EPSTI1: variants seen among roughly 807,000 people sequenced by gnomAD.
The protein encoded by EPSTI1 is epithelial-stromal interaction protein 1.
Under a neutral mutation model 49.9 loss-of-function variants are expected in EPSTI1, and 66 were observed. That is an observed-to-expected ratio of 1.32 (90% CI 1.08 to 1.62). EPSTI1 has a LOEUF of 1.62. Ranked by LOEUF, EPSTI1 falls within the 40% of genes most tolerant of loss-of-function variation. The pLI is 0.00. For missense variants in EPSTI1, 394 were observed against 365.5 expected (o/e 1.08, Z -0.64); for synonymous variants, 137 against 130.7 (o/e 1.05, Z -0.33).
At chr13:42,916,329 A>G (rs1258005995) in intron 8 of EPSTI1, among the ~76,000 whole-genome samples, 2 of 151,876 alleles carry the variant, frequency 1.3e-5, no homozygotes, top group African/African-American at 4.8e-5. Context: ...TTTCTTACAC[A>G]GGAGCTAAAT....
intron 1 of EPSTI1, among the ~76,000 whole-genome samples, chr13:42,977,040 G>A (rs1192620255): frequency 1.3e-5 from 2 of 152,146 alleles, no homozygotes; most frequent in Non-Finnish European, 2.9e-5. Flanking sequence ...TATTGCAACT[G>A]TTTCAATTAT....
chr13:42,953,950 T>C lies in EPSTI1; in HGVS notation c.561A>G (p.Gln187=). 1 of 1,611,932 alleles carries C rather than the reference T, an allele frequency of 6.2e-7. No individual in the cohort carries two copies. The highest frequency in any genetic ancestry group is 1.1e-5 in the South Asian group (1 of 90,672). The part of the protein sequence containing the change: ...LRREAFREHQ[Q]YKTAEFLSKL... The stretch of plus-strand genomic sequence containing the variant: ...AAGTTCTGAAAACATTAACTTACTA[T>C]TGCTGATGCTCTCTAAATGCTTCTC... The change falls in exon 6 of 11, where the codon CAA becomes CAG. Residue 187 remains glutamine (Q), a splice_region_variant and synonymous_variant. Coordinates refer to ENST00000313624, the MANE Select transcript of EPSTI1 (RefSeq NM_033255.5).
intron 1 of EPSTI1, among the ~76,000 whole-genome samples, chr13:42,983,794 A>G (rs2040031641): frequency 6.6e-6 from 1 of 152,100 alleles, no homozygotes; most frequent in Non-Finnish European, 1.5e-5. Flanking sequence ...CTTATCATGA[A>G]AAGAATATTC....
intron 4 of EPSTI1, 117 bp downstream of exon 4, chr13:42,963,949 C>T (rs759725322): frequency 8.4e-6 from 7 of 834,220 alleles, no homozygotes; most frequent in Non-Finnish European, 1.1e-5. Flanking sequence ...CTGCCTTTTG[C>T]AACTGGTTGG....
intron 6 of EPSTI1, among the ~76,000 whole-genome samples, chr13:42,948,813 A>ATTAAAAT (rs1594707723): frequency 1.3e-5 from 2 of 152,208 alleles, no homozygotes; most frequent in Admixed American, 6.5e-5. Flanking sequence ...TGATTAAAAG[A>ATTAAAAT]ACAAAGCACT....
intron 6 of EPSTI1, among the ~76,000 whole-genome samples, chr13:42,945,448 T>A (rs1047212324): frequency 2.6e-5 from 4 of 152,184 alleles, no homozygotes; most frequent in African/African-American, 9.6e-5. Context: ...CAGACCCAAA[T>A]GCTATAAGTC....
intron 8 of EPSTI1, among the ~76,000 whole-genome samples, chr13:42,913,515 T>C (rs1385054475): frequency 6.6e-6 from 1 of 152,226 alleles, no homozygotes; most frequent in Non-Finnish European, 1.5e-5. Flanking sequence ...TCCCTTAGTC[T>C]CATTGGTCAA....
In EPSTI1 at chr13:42,983,563, C is replaced by CAAAAAAAAAAAAA. The variant is rs56259281; in HGVS notation, c.188+8402_188+8414dup. Among the ~76,000 whole-genome samples, 140 of 95,460 alleles carry CAAAAAAAAAAAAA rather than the reference C, an allele frequency of 1.5e-3. 3 individuals are homozygous for CAAAAAAAAAAAAA. The highest frequency in any genetic ancestry group is 5.6e-3 in the Middle Eastern group (1 of 178). 62.6% of individuals were successfully genotyped at this position (95,460 alleles called of 152,430 possible). A position where few individuals can be genotyped will look rare whatever the true frequency, so the allele number is the denominator to read the frequency against. ...TGGGCAACAGAGCGAGACTCCATCT[C>CAAAAAAAAAAAAA]AAAAAAAAAAAAAAAAAAAAAAAAA... On this transcript the variant is annotated intron_variant, in intron 1 of 10. Coordinates refer to ENST00000313624, the MANE Select transcript of EPSTI1 (RefSeq NM_033255.5).
At chr13:42,989,272 C>T (rs1405483283) in intron 1 of EPSTI1, among the ~76,000 whole-genome samples, 1 of 151,794 alleles carries the variant, frequency 6.6e-6, no homozygotes, top group Non-Finnish European at 1.5e-5. Flanking sequence ...CACATATACA[C>T]GTGGAAAAAT....
intron 6 of EPSTI1, among the ~76,000 whole-genome samples, chr13:42,948,008 T>G (rs2153427270): frequency 6.6e-6 from 1 of 152,284 alleles, no homozygotes; most frequent in Middle Eastern, 3.4e-3. Flanking sequence ...CCAACAGAGG[T>G]GGCGGAGTTG....
In EPSTI1 at chr13:42,888,241, T is replaced by C. The variant is rs1404968417; in HGVS notation, c.*253A>G. The C allele has an allele frequency of 6.2e-7, 1 of 1,613,406 alleles. No individual in the cohort carries two copies. The highest frequency in any genetic ancestry group is 8.5e-7 in the Non-Finnish European group (1 of 1,179,484). The stretch of plus-strand genomic sequence containing the variant: ...TACCCTACCAACATCACTCTAATTA[T>C]ACTTCCAATTAGAAAAATAATGTAG... On this transcript the variant is annotated 3_prime_UTR_variant, in exon 11 of 11. Coordinates refer to ENST00000313624, the MANE Select transcript of EPSTI1 (RefSeq NM_033255.5).
At chr13:42,944,224 A>G (rs1300323378) in intron 6 of EPSTI1, among the ~76,000 whole-genome samples, 1 of 152,212 alleles carries the variant, frequency 6.6e-6, no homozygotes, top group African/African-American at 2.4e-5. Flanking sequence ...GCACACGTAT[A>G]TTTATTGCAG....
In EPSTI1 at chr13:42,887,527, G is replaced by A. The variant is rs1203588019; in HGVS notation, c.*967C>T. On this transcript the variant is annotated 3_prime_UTR_variant, in exon 11 of 11. Coordinates refer to ENST00000313624, the MANE Select transcript of EPSTI1 (RefSeq NM_033255.5). ...CCTTTATTCTAGGATTGAATGTAAT[G>A]CTTTTGCTATACAATGTGGTGGCTG... 1 of 152,226 alleles carries A rather than the reference G, an allele frequency of 6.6e-6. No homozygotes were observed. Among genetic ancestry groups the A allele is most frequent in the Non-Finnish European group, 1.5e-5 (1 of 68,054 alleles). The allele number at this position is 152,226 out of a possible 1,614,324, so 9.4% of individuals were successfully genotyped here.
Position 42,892,291 on chromosome 13 carries a change from T to A in EPSTI1, c.915+2718A>T, listed in dbSNP as rs189063885. On this transcript the variant is annotated intron_variant, in intron 10 of 10. Transcript: ENST00000313624. ...ATGCAGAGTCAGAATCTGACTTCTG[T>A]CAGTCTTGTATCGAGAACAGACTGT... Among the ~76,000 whole-genome samples the A allele has an allele frequency of 1.4e-4, 22 of 152,328 alleles. No individual in the cohort carries two copies. In the East Asian group the frequency reaches 3.9e-3, roughly 27 times the overall value.
At chr13:42,989,000 G>C (rs2014439) in intron 1 of EPSTI1, among the ~76,000 whole-genome samples, 93,582 of 149,406 alleles carry the variant, frequency 0.63, 30,925 homozygotes, top group Non-Finnish European at 0.74. Context: ...AGCTGGGACA[G>C]AGGTATGTGC....
intron 8 of EPSTI1, among the ~76,000 whole-genome samples, chr13:42,904,314 C>T (rs34163162): frequency 0.18 from 27,330 of 152,144 alleles, 2,540 homozygotes; most frequent in African/African-American, 0.22. Flanking sequence ...AGGCAGTTCA[C>T]AGATAAACTA....
At chr13:42,968,722 G>C (rs1225317067) in intron 3 of EPSTI1, among the ~76,000 whole-genome samples, 1 of 151,960 alleles carries the variant, frequency 6.6e-6, no homozygotes, top group Non-Finnish European at 1.5e-5. Context: ...TAACTGCCAT[G>C]ATTAATATGC....
At chr13:42,968,954 AATTAAATG>A (rs2039695598) in intron 3 of EPSTI1, 132 bp downstream of exon 3, 2 of 540,394 alleles carry the variant, frequency 3.7e-6, no homozygotes, top group East Asian at 3.4e-5. Flanking sequence ...ACACACACAC[AATTAAATG>A]CATTCCACCC....
chr13:42,931,192 T>C (rs1316330307), intron 6 of EPSTI1, among the ~76,000 whole-genome samples: 1 of 436 alleles, frequency 2.3e-3, no homozygotes. Flanking sequence ...TGCCTACAGC[T>C]TTTTTTTTTT....
Sources: allele counts gnomAD v4.1 joint callset (sites outside exome capture counted in the v4.1 genomes callset), GRCh38; gene constraint gnomAD v4.1.1; transcripts MANE v1.5; gene names NCBI Gene and HGNC (gene_info 2026-07-23, HGNC 2026-07-21).